The following LRRTM4 variants were observed in gnomAD, a reference collection of about 807,000 sequenced individuals.
The protein encoded by LRRTM4 is leucine-rich repeat transmembrane neuronal protein 4.
In LRRTM4, 25 loss-of-function variants were observed where a neutral mutation model predicts 47.6. The observed-to-expected ratio is 0.53, with a 90% CI of 0.38 to 0.73. LRRTM4 has a LOEUF of 0.73. LRRTM4 is among the 30% of genes least tolerant of loss of function. The pLI is 0.00. For missense variants in LRRTM4, 638 were observed against 713.4 expected, an observed-to-expected ratio of 0.89 and a Z score of 1.20; for synonymous variants, 311 against 269.5, an observed-to-expected ratio of 1.15 and a Z score of -1.51.
chr2:77,052,022 A>G (rs1679449352), intron 3 of LRRTM4, among the ~76,000 whole-genome samples: 1 of 152,100 alleles, frequency 6.6e-6, no homozygotes, highest in Non-Finnish European at 1.5e-5. Context: ...TTATTTATAA[A>G]TGAGACATAG....
intron 3 of LRRTM4, among the ~76,000 whole-genome samples, chr2:77,031,436 T>A (rs1395384733): frequency 2.0e-5 from 3 of 152,216 alleles, no homozygotes; most frequent in Admixed American, 1.3e-4. Flanking sequence ...AAGTAGATCA[T>A]GATTATCCTA....
chr2:77,353,436 T>C (rs2104300304), intron 3 of LRRTM4, among the ~76,000 whole-genome samples: 1 of 152,268 alleles, frequency 6.6e-6, no homozygotes, highest in South Asian at 2.1e-4. Flanking sequence ...GAAATACTTT[T>C]CTATTGTATG....
chr2:77,104,571 GA>G (rs1330129973), intron 3 of LRRTM4, among the ~76,000 whole-genome samples: 1 of 152,112 alleles, frequency 6.6e-6, no homozygotes, highest in Non-Finnish European at 1.5e-5. Context: ...CTCAAAATAT[GA>G]TCAGATGGTG....
At chr2:77,017,706 C>T (rs1015892556) in intron 3 of LRRTM4, among the ~76,000 whole-genome samples, 13 of 151,874 alleles carry the variant, frequency 8.6e-5, no homozygotes, top group African/African-American at 1.9e-4. Context: ...GTAGTCATTA[C>T]GATATCTAAA....
intron 3 of LRRTM4, among the ~76,000 whole-genome samples, chr2:77,427,454 T>C (rs1335219533): frequency 6.6e-6 from 1 of 152,224 alleles, no homozygotes; most frequent in East Asian, 1.9e-4. Flanking sequence ...TATTTTTCCC[T>C]ATAAGGACAT....
intron 3 of LRRTM4, among the ~76,000 whole-genome samples, chr2:77,400,982 G>A (rs1049510478): frequency 1.3e-5 from 2 of 151,906 alleles, no homozygotes; most frequent in Non-Finnish European, 2.9e-5. Flanking sequence ...AATTTTGTTT[G>A]CTCATTTGTT....
intron 3 of LRRTM4, among the ~76,000 whole-genome samples, chr2:76,939,949 G>A (rs761883132): frequency 1.2e-4 from 18 of 151,976 alleles, no homozygotes; most frequent in Admixed American, 3.3e-4. Flanking sequence ...AATCCAAGAA[G>A]GGGTTGGTTC....
chr2:76,984,078 G>A (rs905500646), intron 3 of LRRTM4, among the ~76,000 whole-genome samples: 1 of 151,938 alleles, frequency 6.6e-6, no homozygotes, highest in African/African-American at 2.4e-5. Context: ...AAACAATGAT[G>A]AATTATTTAT....
chr2:77,492,359 A>C (rs973689882), intron 3 of LRRTM4, among the ~76,000 whole-genome samples: 1 of 152,270 alleles, frequency 6.6e-6, no homozygotes, highest in Non-Finnish European at 1.5e-5. Flanking sequence ...TCCTGAGCTC[A>C]AGGAATCCTT....
At chr2:76,827,135 G>C (rs866243963) in intron 3 of LRRTM4, among the ~76,000 whole-genome samples, 1 of 151,800 alleles carries the variant, frequency 6.6e-6, no homozygotes, top group Non-Finnish European at 1.5e-5. Flanking sequence ...CATAGTGTTA[G>C]ACTGCAGAGG....
intron 3 of LRRTM4, among the ~76,000 whole-genome samples, chr2:77,166,200 C>T (rs1181560966): frequency 6.6e-6 from 1 of 152,136 alleles, no homozygotes; most frequent in South Asian, 2.1e-4. Flanking sequence ...AGTGAACTCC[C>T]ATTCACAATG....
At position 76,786,824 on chromosome 2, in the gene LRRTM4, C is replaced by T. The variant is rs1482964856; in HGVS notation, c.1552-37908G>A. Among the ~76,000 whole-genome samples, 4 of 151,852 alleles carry T rather than the reference C, an allele frequency of 2.6e-5. No individual in the cohort carries two copies. In the East Asian group the frequency reaches 5.8e-4, roughly 22 times the overall value. ...GTTCATTTAAAGAATACAGAAGGAA[C>T]TGGAATTTCATATTGCTTTCCTTGC... On this transcript the variant is annotated intron_variant, in intron 3 of 3. Transcript: ENST00000409884.
intron 3 of LRRTM4, among the ~76,000 whole-genome samples, chr2:77,063,421 C>T (rs1288185731): frequency 1.3e-5 from 2 of 151,994 alleles, no homozygotes; most frequent in Admixed American, 6.6e-5. Flanking sequence ...AACCATGCGG[C>T]CATTATTTCA....
intron 3 of LRRTM4, among the ~76,000 whole-genome samples, chr2:76,847,811 TTAA>T (rs1671881665): frequency 1.3e-5 from 2 of 152,150 alleles, no homozygotes; most frequent in South Asian, 4.1e-4. Flanking sequence ...ATTTGAATGT[TTAA>T]TAAAATTTTA....
intron 3 of LRRTM4, among the ~76,000 whole-genome samples, chr2:76,946,360 TC>T (rs1458124575): frequency 6.6e-6 from 1 of 151,846 alleles, no homozygotes. Flanking sequence ...TTTGCTGACA[TC>T]CCCATTTGCA....
chr2:76,779,716 A>G (rs374229394), intron 3 of LRRTM4, among the ~76,000 whole-genome samples: 1 of 152,072 alleles, frequency 6.6e-6, no homozygotes, highest in African/African-American at 2.4e-5. Flanking sequence ...TCTTTATCCA[A>G]TTTGCCAGTC....
chr2:77,430,628 GGAGAA>G (rs1204546248), intron 3 of LRRTM4, among the ~76,000 whole-genome samples: 2 of 148,436 alleles, frequency 1.3e-5, no homozygotes, highest in African/African-American at 2.6e-5. Context: ...GGCTGAGGCA[GGAGAA>G]TCACTTGAAC....
chr2:76,918,041 T>C (rs1674313102), intron 3 of LRRTM4, among the ~76,000 whole-genome samples: 1 of 152,200 alleles, frequency 6.6e-6, no homozygotes, highest in African/African-American at 2.4e-5. Flanking sequence ...GGAAAAGGGC[T>C]GAAGACACCA....
At chr2:77,075,264 T>C (rs779335989) in intron 3 of LRRTM4, among the ~76,000 whole-genome samples, 40 of 152,196 alleles carry the variant, frequency 2.6e-4, no homozygotes, top group Non-Finnish European at 5.1e-4. Flanking sequence ...AAGCACTAAT[T>C]ATTTGACTAT....
Sources: gnomAD v4.1 joint callset for allele counts (sites outside exome capture counted in the v4.1 genomes callset) on GRCh38, gnomAD v4.1.1 for gene constraint, MANE v1.5 for transcripts, NCBI Gene and HGNC (gene_info 2026-07-23, HGNC 2026-07-21) for gene names.